Variants in FER1L6 observed in about 807,000 individuals in gnomAD.
FER1L6 encodes fer-1 like family member 6.
A neutral mutation model predicts 219.2 loss-of-function variants in FER1L6; 177 were observed. The observed-to-expected ratio is 0.81, with a 90% confidence interval of 0.71 to 0.91. The LOEUF (loss-of-function observed/expected upper bound fraction) is 0.91. Among genes scored for constraint, FER1L6 ranks in the 40% least tolerant of loss-of-function variants. FER1L6 has a pLI of 0.00. For missense variants in FER1L6, 2,153 were observed against 2,259.9 expected, an observed-to-expected ratio of 0.95 and a Z score of 0.96; for synonymous variants, 768 against 824.3, an observed-to-expected ratio of 0.93 and a Z score of 1.17.
chr8:124,025,880 T>C (rs1818687051), intron 18 of FER1L6, among the ~76,000 whole-genome samples: 1 of 152,216 alleles, frequency 6.6e-6, no homozygotes, highest in Admixed American at 6.5e-5. Context: ...AGTTTCCTCA[T>C]TACCTTTTCA....
At chr8:123,984,458 G>T (rs1331216191) in intron 11 of FER1L6, 1 of 152,112 alleles carries the variant, frequency 6.6e-6, no homozygotes, top group Non-Finnish European at 1.5e-5. Context: ...TACCCAGGCT[G>T]GTCTCAAACT....
At chr8:124,025,000 A>AT (rs1344393101) in intron 18 of FER1L6, among the ~76,000 whole-genome samples, 4 of 151,318 alleles carry the variant, frequency 2.6e-5, no homozygotes, top group Non-Finnish European at 5.9e-5. Flanking sequence ...CCATTTGTAT[A>AT]TTTTTTCTGG....
chr8:123,955,337 T>G (rs1814968301), intron 1 of FER1L6, among the ~76,000 whole-genome samples: 1 of 152,118 alleles, frequency 6.6e-6, no homozygotes, highest in Non-Finnish European at 1.5e-5. Flanking sequence ...ACAATAACAA[T>G]AATAGCAGTG....
At chr8:123,872,809 C>T (rs1453993847) in intron 1 of FER1L6, among the ~76,000 whole-genome samples, 1 of 152,186 alleles carries the variant, frequency 6.6e-6, no homozygotes, top group African/African-American at 2.4e-5. Context: ...TGTACGAGGT[C>T]CTCTGTAATC....
In FER1L6 at chr8:124,069,460, C is replaced by T; in HGVS notation, c.3819C>T (p.Asn1273=). Residue 1273 remains asparagine, a synonymous_variant, in exon 29 of 41, where the codon AAC becomes AAT. Coordinates refer to ENST00000522917, the MANE Select transcript of FER1L6 (RefSeq NM_001039112.2). ...AACCCAAAGATGATGGAATCCCCAA[C>T]CTGGCCATCTTGCAGGTATGTGGGG... ...KKKPKDDGIP[N]LAILQIYDGD... is the part of the protein sequence containing the mutation. 1 of 1,609,100 alleles carries T rather than the reference C, an allele frequency of 6.2e-7. No individual in the cohort carries two copies. Among genetic ancestry groups the T allele is most frequent in the Middle Eastern group, 1.7e-4 (1 of 6,044 alleles).
chr8:123,858,870 C>T (rs192112097), intron 1 of FER1L6, among the ~76,000 whole-genome samples: 2 of 152,242 alleles, frequency 1.3e-5, no homozygotes, highest in African/African-American at 2.4e-5. Context: ...TCCACCAGGG[C>T]GGTATTGCCC....
intron 21 of FER1L6, 32 bp downstream of exon 21, chr8:124,045,933 A>C (rs1433484113): frequency 6.2e-7 from 1 of 1,605,066 alleles, no homozygotes; most frequent in Non-Finnish European, 8.5e-7. Flanking sequence ...TGCTGACCAC[A>C]CCTCATAAAA....
At chr8:123,969,885 AAG>A in intron 5 of FER1L6, 148 bp from the exon 6 acceptor site, 1 of 531,212 alleles carries the variant, frequency 1.9e-6, no homozygotes, top group Non-Finnish European at 3.4e-6. Flanking sequence ...AAAAAAAAAA[AAG>A]AGAATTGACA....
At chr8:124,108,363 G>A (rs73703948) in intron 39 of FER1L6, among the ~76,000 whole-genome samples, 4,720 of 152,070 alleles carry the variant, frequency 0.031, 220 homozygotes, top group African/African-American at 0.1. Flanking sequence ...ATGAGCTGTC[G>A]TAACCCTGAA....
rs1586419311 is a variant in FER1L6, at chr8:123,853,203, G to A, written c.-8+1018G>A. ...ACAGTCTCACTCTATAGCCCAGGCT[G>A]GAGTGCAGTGGTACAATCTTGGCTC... is the stretch of plus-strand genomic sequence containing the variant. On this transcript the variant is annotated intron_variant, in intron 1 of 40. Coordinates refer to ENST00000522917, the MANE Select transcript of FER1L6 (RefSeq NM_001039112.2). The surrounding 1 kb of genome is among the most constrained non-coding windows in gnomAD (Gnocchi z 6.6). 2.0e-5 allele frequency among the ~76,000 whole-genome samples: 3 copies of A among 152,220 alleles called. No individual in the cohort carries two copies. The East Asian group carries it at 5.8e-4, about 29-fold the overall frequency.
At chr8:124,077,666 C>T (rs1821349528) in intron 32 of FER1L6, among the ~76,000 whole-genome samples, 2 of 152,286 alleles carry the variant, frequency 1.3e-5, no homozygotes, top group East Asian at 1.9e-4. Context: ...ACCACAGTGC[C>T]ATGAACTAGA....
intron 1 of FER1L6, among the ~76,000 whole-genome samples, chr8:123,854,984 A>T (rs1357427114): frequency 1.3e-5 from 2 of 152,234 alleles, no homozygotes; most frequent in Non-Finnish European, 2.9e-5. Context: ...GCTTACAATC[A>T]TCACCTCTAC....
At chr8:123,868,971 G>A (rs193203341) in intron 1 of FER1L6, among the ~76,000 whole-genome samples, 1 of 152,066 alleles carries the variant, frequency 6.6e-6, no homozygotes, top group Admixed American at 6.6e-5. Context: ...CATCTATCAG[G>A]TTAGTCTGAG....
At chr8:123,974,680 A>AAAAAAAAAAAAAAAAAAAAT (rs1362934333) in intron 7 of FER1L6, among the ~76,000 whole-genome samples, 3 of 148,490 alleles carry the variant, frequency 2.0e-5, no homozygotes, top group Non-Finnish European at 4.5e-5. Context: ...AAAAAAAAAA[A>AAAAAAAAAAAAAAAAAAAAT]AAGAAATGTG....
At chr8:124,110,934 T>C (rs751641762) in intron 39 of FER1L6, among the ~76,000 whole-genome samples, 94 of 152,120 alleles carry the variant, frequency 6.2e-4, no homozygotes, top group Non-Finnish European at 5.6e-4. Flanking sequence ...CAAATCTTTA[T>C]GACAGGAGGT....
Position 123,853,761 on chromosome 8 carries a change from C to G in FER1L6, c.-8+1576C>G, listed in dbSNP as rs779695498. Among the ~76,000 whole-genome samples the G allele has an allele frequency of 4.5e-4, 69 of 152,296 alleles. No homozygotes were observed. The highest frequency in any genetic ancestry group is 3.4e-3 in the Middle Eastern group (1 of 294). ...AAAAGGCCAGAAAGCTGCAGACAAC[C>G]CAACAGTGTCAAGCACAGAGGCTGG... On this transcript the variant is annotated intron_variant, in intron 1 of 40. Transcript: ENST00000522917. This position sits in a 1 kb window ranked among gnomAD's most constrained non-coding sequence, Gnocchi z 6.6.
At chr8:124,059,967 T>C (rs1040208390) in intron 22 of FER1L6, among the ~76,000 whole-genome samples, 18 of 152,210 alleles carry the variant, frequency 1.2e-4, no homozygotes, top group Non-Finnish European at 2.5e-4. Context: ...ACATCTTAAG[T>C]GCTCGCTAAA....
intron 18 of FER1L6, among the ~76,000 whole-genome samples, chr8:124,030,055 G>C (rs1818888867): frequency 6.6e-6 from 1 of 152,176 alleles, no homozygotes; most frequent in South Asian, 2.1e-4. Flanking sequence ...TGTCAGGTTT[G>C]TCAAAGATCA....
chr8:124,096,075 G>A (rs757213361), intron 35 of FER1L6, among the ~76,000 whole-genome samples: 3 of 152,212 alleles, frequency 2.0e-5, no homozygotes, highest in Non-Finnish European at 4.4e-5. Context: ...CTATCCCAGA[G>A]TTATTGGGAT....
Sources: allele counts gnomAD v4.1 joint callset (sites outside exome capture counted in the v4.1 genomes callset), GRCh38; gene constraint gnomAD v4.1.1; non-coding constraint Gnocchi (gnomAD v3.1); transcripts MANE v1.5; gene names NCBI Gene and HGNC (gene_info 2026-07-23, HGNC 2026-07-21).